CECR2: variants seen among roughly 807,000 people sequenced by gnomAD.
CECR2 encodes the protein chromatin remodeling regulator CECR2.
A neutral mutation model predicts 154.5 loss-of-function variants in CECR2; 30 were observed. The ratio of observed to expected loss-of-function variants is 0.19; its 90% CI spans 0.15 to 0.26. The LOEUF (loss-of-function observed/expected upper bound fraction) is 0.26. Among genes scored for constraint, CECR2 ranks in the 10% least tolerant of loss-of-function variants. CECR2 has a pLI of 1.00. For missense variants in CECR2, 1,743 were observed against 1,829.3 expected (o/e 0.95, Z 0.86); for synonymous variants, 725 against 683.7 (o/e 1.06, Z -0.94).
At chr22:17,463,003 C>A (rs544840674) in intron 1 of CECR2, among the ~76,000 whole-genome samples, 1 of 152,260 alleles carries the variant, frequency 6.6e-6, no homozygotes, top group African/African-American at 2.4e-5. Flanking sequence ...AAGGGGTTTG[C>A]TTAATAATGG....
chr22:17,424,559 C>T (rs1388672580), intron 1 of CECR2: 1 of 155,038 alleles, frequency 6.5e-6, no homozygotes, highest in East Asian at 1.9e-4. Context: ...ACTCTGCCAT[C>T]CTCAGCGGGC....
In CECR2 at chr22:17,499,395, C is replaced by T. The variant is rs2146878325; in HGVS notation, c.406-15C>T. The T allele has an allele frequency of 6.2e-7, 1 of 1,602,526 alleles. No individual in the cohort carries two copies. The highest frequency in any genetic ancestry group is 1.1e-5 in the South Asian group (1 of 88,512). On this transcript the variant is annotated splice_polypyrimidine_tract_variant and intron_variant, in intron 3 of 18. Transcript: ENST00000262608. ...TTCCCCATTTCCCCAAACCCCTTTT[C>T]CGTGCTCTGTGTAGGGCCTGGATGC...
intron 2 of CECR2, among the ~76,000 whole-genome samples, chr22:17,497,131 C>CA (rs959264308): frequency 7.9e-5 from 12 of 152,046 alleles, no homozygotes; most frequent in African/African-American, 2.9e-4. Context: ...CCTGTCTCTA[C>CA]AAAAAATACA....
At chr22:17,401,418 A>G (rs961738651) in intron 1 of CECR2, among the ~76,000 whole-genome samples, 7 of 152,154 alleles carry the variant, frequency 4.6e-5, no homozygotes, top group Non-Finnish European at 8.8e-5. Context: ...ATGTCCGCCA[A>G]CGCCACGCGA....
At chr22:17,505,975 G>T (rs2055837170) in intron 7 of CECR2, among the ~76,000 whole-genome samples, 1 of 151,292 alleles carries the variant, frequency 6.6e-6, no homozygotes, top group African/African-American at 2.4e-5. Flanking sequence ...CTCCCAAGTA[G>T]CTGGGGACAC....
In CECR2 at chr22:17,540,530, G is replaced by A. The variant is rs2056505504; in HGVS notation, c.1614G>A (p.Arg538=). The A allele has an allele frequency of 1.2e-6, 2 of 1,612,260 alleles. No individual in the cohort carries two copies. Among genetic ancestry groups the A allele is most frequent in the Middle Eastern group, 1.6e-4 (1 of 6,080 alleles). ...TTTGGATTCGAGAGGATGAAAAGCG[G>A]GAGAAAAGACGGAGTCGGGCTGGGC... The part of the protein sequence containing the change: ...EEFWIREDEK[R]EKRRSRAGRS... Residue 538 remains arginine, a synonymous_variant, in exon 14 of 19, where the codon CGG becomes CGA. Transcript: ENST00000262608.
upstream of CECR2, among the ~76,000 whole-genome samples, chr22:17,367,818 T>C (rs962766009): frequency 6.6e-6 from 1 of 152,232 alleles, no homozygotes; most frequent in African/African-American, 2.4e-5. Flanking sequence ...CCCATCTCCC[T>C]TGCTAATGCA....
intron 1 of CECR2, among the ~76,000 whole-genome samples, chr22:17,477,340 T>G (rs2055225531): frequency 6.6e-6 from 1 of 152,172 alleles, no homozygotes; most frequent in African/African-American, 2.4e-5. Flanking sequence ...GTGTTTCTTC[T>G]CATGTGCCGG....
At chr22:17,414,134 G>A (rs533741476) in intron 1 of CECR2, among the ~76,000 whole-genome samples, 9 of 151,628 alleles carry the variant, frequency 5.9e-5, no homozygotes, top group East Asian at 3.9e-4. Context: ...CACCACGCCT[G>A]GCTAATTTTT....
At chr22:17,551,835 G>GA (rs1343678285) in intron 17 of CECR2, among the ~76,000 whole-genome samples, 196 bp from the exon 18 acceptor site, 1 of 152,098 alleles carries the variant, frequency 6.6e-6, no homozygotes, top group Non-Finnish European at 1.5e-5. Context: ...CTTTTGTCAG[G>GA]AGTGCAGTAG....
At chr22:17,488,529 A>T (rs1317385216) in intron 2 of CECR2, among the ~76,000 whole-genome samples, 1 of 152,210 alleles carries the variant, frequency 6.6e-6, no homozygotes, top group Non-Finnish European at 1.5e-5. Flanking sequence ...CCTGTTCTAG[A>T]ACTGTATGAA....
intron 1 of CECR2, among the ~76,000 whole-genome samples, chr22:17,371,244 A>T (rs2146437732): frequency 6.6e-6 from 1 of 152,274 alleles, no homozygotes; most frequent in Middle Eastern, 3.4e-3. Context: ...AGGGTTGGGG[A>T]TGGGAGAATG....
rs1461993237 is a variant in CECR2, at chr22:17,549,005, A to G, written c.3718A>G (p.Lys1240Glu). Residue 1240 changes from lysine (K) to glutamate (E), a missense_variant, in exon 17 of 19, where the codon AAG (lysine) becomes GAG (glutamate). Lys to Glu is a moderately conservative substitution (Grantham distance 56, BLOSUM62 1). Transcript: ENST00000262608. ...CCCACCAAGGTCCCTCTTCTCAGAT[A>G]AGAATGCCATGGCCAGTCTGCAAGG... is the stretch of plus-strand genomic sequence containing the variant. ...PPPPRSLFSD[K>E]NAMASLQGCE... The G allele has an allele frequency of 6.2e-7, 1 of 1,613,940 alleles. No homozygotes were observed. The highest frequency in any genetic ancestry group is 2.2e-5 in the East Asian group (1 of 44,880).
In CECR2 at chr22:17,551,488, G is replaced by T. The variant is rs543414348; in HGVS notation, c.4278-543G>T. On this transcript the variant is annotated intron_variant, in intron 17 of 18. Coordinates refer to ENST00000262608, the MANE Select transcript of CECR2 (RefSeq NM_001290047.2). ...ATCATGGAGAGTGTTCCAGATTCCA[G>T]ATTCATCACACAGTCTCCTTGTGTG... is the stretch of plus-strand genomic sequence containing the variant. Among the ~76,000 whole-genome samples the T allele has an allele frequency of 2.0e-4, 30 of 152,252 alleles. No individual in the cohort carries two copies. In the South Asian group the frequency reaches 5.8e-3, roughly 29 times the overall value.
intron 1 of CECR2, among the ~76,000 whole-genome samples, chr22:17,435,108 T>G (rs2054483370): frequency 6.6e-6 from 1 of 152,024 alleles, no homozygotes; most frequent in South Asian, 2.1e-4. Context: ...GCCAGCTGAG[T>G]CATGAAGAAC....
At chr22:17,439,972 G>T (rs1271430597) in intron 1 of CECR2, among the ~76,000 whole-genome samples, 1 of 152,028 alleles carries the variant, frequency 6.6e-6, no homozygotes, top group Admixed American at 6.5e-5. Flanking sequence ...TAGAAAATGT[G>T]CAGGCAAGCA....
At chr22:17,404,731 A>G (rs1601297566) in intron 1 of CECR2, among the ~76,000 whole-genome samples, 2 of 152,312 alleles carry the variant, frequency 1.3e-5, no homozygotes, top group Admixed American at 6.5e-5. Flanking sequence ...ATATCACAGT[A>G]TCTTAATTAG....
At chr22:17,436,849 C>G (rs1443896380) in intron 1 of CECR2, among the ~76,000 whole-genome samples, 1 of 152,300 alleles carries the variant, frequency 6.6e-6, no homozygotes, top group Non-Finnish European at 1.5e-5. Context: ...TGGGCTCTTG[C>G]GCCTCTGGCT....
At chr22:17,506,021 A>AT (rs755874664) in intron 7 of CECR2, among the ~76,000 whole-genome samples, 65 of 150,460 alleles carry the variant, frequency 4.3e-4, no homozygotes, top group Non-Finnish European at 7.2e-4. Context: ...ATTATTTTTT[A>AT]TTTTTTGTAG....
Sources: allele counts gnomAD v4.1 joint callset (sites outside exome capture counted in the v4.1 genomes callset), GRCh38; gene constraint gnomAD v4.1.1; transcripts MANE v1.5; gene names NCBI Gene and HGNC (gene_info 2026-07-23, HGNC 2026-07-21).